Variants in RSRP1 observed in about 807,000 individuals in gnomAD.
The protein encoded by RSRP1 is arginine and serine rich protein 1.
Under a neutral mutation model 33.0 loss-of-function variants are expected in RSRP1, and 37 were observed. The observed-to-expected ratio is 1.12, with a 90% CI of 0.86 to 1.48. The LOEUF (loss-of-function observed/expected upper bound fraction) is 1.48. Ranked by LOEUF, RSRP1 falls within the 40% of genes most tolerant of loss-of-function variation. The probability of loss-of-function intolerance (pLI) is 0.00; values close to 1 mark genes in which losing one functional copy is unlikely to be tolerated. For missense variants in RSRP1, 402 were observed against 385.3 expected, an observed-to-expected ratio of 1.04 and a Z score of -0.36; for synonymous variants, 167 against 158.7, an observed-to-expected ratio of 1.05 and a Z score of -0.40.
intron 1 of RSRP1, chr1:25,307,754 G>A: frequency 1.5e-6 from 2 of 1,306,664 alleles, no homozygotes; most frequent in Non-Finnish European, 2.1e-6. Context: ...GTTCCTACCG[G>A]TTCTTGGATG....
At chr1:25,263,035 T>A (rs1328349842) in intron 1 of RSRP1, among the ~76,000 whole-genome samples, 1 of 152,192 alleles carries the variant, frequency 6.6e-6, no homozygotes, top group Non-Finnish European at 1.5e-5. Context: ...GGGAGGCTGC[T>A]ATGCAAGACA....
At position 25,299,072 on chromosome 1, in the gene RSRP1, T is replaced by TAAAA. The variant is rs34867414; in HGVS notation, c.-67+38902_-67+38905dup. 6.4e-4 allele frequency among the ~76,000 whole-genome samples: 26 copies of TAAAA among 40,838 alleles called. 3 individuals carry two copies. Among genetic ancestry groups the TAAAA allele is most frequent in the African/African-American group, 7.8e-4 (10 of 12,832 alleles). 26.8% of individuals were successfully genotyped at this position (40,838 alleles called of 152,430 possible). On this transcript the variant is annotated intron_variant, in intron 1 of 1. Transcript: ENST00000561867. ...GTTTAGAATTGTCAGCACATGGTGA[T>TAAAA]AAAAAAAAAAAAAAAAAAAAAAAAA...
rs1639482562 is a variant in RSRP1, at chr1:25,246,928, C to T, written c.36G>A (p.Ser12=). 1.3e-6 allele frequency: 2 copies of T among 1,592,036 alleles called. No homozygotes were observed. The highest frequency in any genetic ancestry group is 1.7e-6 in the Non-Finnish European group (2 of 1,166,020). Residue 12 remains serine, a synonymous_variant, in exon 2 of 5, where the codon TCG becomes TCA. Coordinates refer to ENST00000243189, the MANE Select transcript of RSRP1 (RefSeq NM_020317.5). ...SNYVNDMWPG[S]PQEKDSPSTS... ...TCGAGGGCGAATCCTTCTCCTGCGG[C>T]GAGCCCGGCCACATGTCGTTCACGT...
chr1:25,245,374 C>A, intron 2 of RSRP1, 73 bp from the exon 3 acceptor site: 1 of 1,482,692 alleles, frequency 6.7e-7, no homozygotes, highest in Non-Finnish European at 9.1e-7. Flanking sequence ...CTCAGAATTA[C>A]ACAATAAATA....
Position 25,242,516 on chromosome 1 carries a change from G to A in RSRP1, c.*73C>T. 1 of 906,824 alleles carries A rather than the reference G, an allele frequency of 1.1e-6. No homozygotes were observed. The highest frequency in any genetic ancestry group is 1.8e-6 in the Non-Finnish European group (1 of 571,164). 56.2% of individuals were successfully genotyped at this position (906,824 alleles called of 1,614,324 possible). A position where few individuals can be genotyped will look rare whatever the true frequency, so the allele number is the denominator to read the frequency against. On this transcript the variant is annotated 3_prime_UTR_variant, in exon 5 of 5. Transcript: ENST00000243189. ...GTACCCCTGAATGGCTCAAAGGGAT[G>A]GGATAATGCTAGAAACACTAACTTG...
At chr1:25,301,226 T>C (rs368734984) in intron 1 of RSRP1, 17 of 946,470 alleles carry the variant, frequency 1.8e-5, no homozygotes, top group Middle Eastern at 3.1e-4. Context: ...CATGATTCAT[T>C]TCTTTGAGTA....
In RSRP1 at chr1:25,242,426, C is replaced by T; in HGVS notation, c.*163G>A. ...CTATCTCTCATATCTGCAAGAGAAA[C>T]CTAAAATGTTAATATTTGAGTGTTA... On this transcript the variant is annotated 3_prime_UTR_variant, in exon 5 of 5. Coordinates refer to ENST00000243189, the MANE Select transcript of RSRP1 (RefSeq NM_020317.5). 1 of 534,962 alleles carries T rather than the reference C, an allele frequency of 1.9e-6. No individual in the cohort carries two copies. 33.1% of individuals were successfully genotyped at this position (534,962 alleles called of 1,614,324 possible). A position where few individuals can be genotyped will look rare whatever the true frequency, so the allele number is the denominator to read the frequency against.
intron 1 of RSRP1, among the ~76,000 whole-genome samples, chr1:25,302,499 T>G (rs1204150289): frequency 1.5e-5 from 2 of 129,410 alleles, no homozygotes; most frequent in Non-Finnish European, 3.6e-5. Context: ...ACAGAAAGTC[T>G]AAGACACCCA....
intron 2 of RSRP1, 62 bp downstream of exon 2, chr1:25,246,382 T>C (rs1319354372): frequency 3.2e-6 from 5 of 1,570,172 alleles, no homozygotes; most frequent in African/African-American, 1.3e-5. Context: ...GTTGGTTCCC[T>C]AGCCTACTCA....
chr1:25,303,704 T>A lies in RSRP1; in HGVS notation c.-67+34274A>T, dbSNP rs1853885. Reference sequence around the variant, plus strand: ...TGGGGAGAATTTGTTATCAGGCTACTGGGGTGTCACAGAACTCAAGGACAG... The same window carrying A: ...TGGGGAGAATTTGTTATCAGGCTACAGGGGTGTCACAGAACTCAAGGACAG... On this transcript the variant is annotated intron_variant, in intron 1 of 1. Coordinates refer to the RSRP1 transcript ENST00000561867. Among the ~76,000 whole-genome samples the A allele has an allele frequency of 1.4e-4, 18 of 131,854 alleles. 5 individuals carry two copies. The highest frequency in any genetic ancestry group is 2.1e-4 in the African/African-American group (8 of 38,230). The allele number at this position is 131,854 out of a possible 152,430, so 86.5% of individuals were successfully genotyped here.
intron 1 of RSRP1, among the ~76,000 whole-genome samples, chr1:25,264,353 T>C (rs1309576076): frequency 1.3e-5 from 2 of 151,932 alleles, no homozygotes; most frequent in East Asian, 1.9e-4. Context: ...CTCTTTAATC[T>C]AGGCGAAGGT....
In RSRP1 at chr1:25,274,256, C is replaced by T. The variant is rs604183; in HGVS notation, c.-66-27227G>A. On this transcript the variant is annotated intron_variant, in intron 1 of 1. Coordinates refer to the RSRP1 transcript ENST00000561867. ...ATATGGATGTTGAGTAATTTGCCCA[C>T]GGTCGCTCAGCTAGCAATAGCACAG... is the stretch of plus-strand genomic sequence containing the variant. 5.3e-5 allele frequency among the ~76,000 whole-genome samples: 7 copies of T among 131,978 alleles called. 1 individual carries two copies. 86.6% of individuals were successfully genotyped at this position (131,978 alleles called of 152,430 possible).
At chr1:25,300,952 T>A (rs1375964449) in intron 1 of RSRP1, 2 of 1,378,424 alleles carry the variant, frequency 1.5e-6, no homozygotes, top group African/African-American at 1.4e-5. Flanking sequence ...GCAGACAGAC[T>A]ACCACATGAA....
intron 1 of RSRP1, among the ~76,000 whole-genome samples, chr1:25,258,464 T>C (rs1031862010): frequency 6.6e-5 from 10 of 152,106 alleles, no homozygotes; most frequent in African/African-American, 2.4e-4. Flanking sequence ...AGGTGTGAGC[T>C]ACCGTGCCCA....
At chr1:25,277,087 T>C (rs1217719844) in intron 1 of RSRP1, among the ~76,000 whole-genome samples, 1 of 131,430 alleles carries the variant, frequency 7.6e-6, no homozygotes. Context: ...AAAATAAAAA[T>C]AAATGAAACA....
rs187593219 is a variant in RSRP1, at chr1:25,307,775, A to G, written c.-67+30203T>C. On this transcript the variant is annotated intron_variant, in intron 1 of 1. Transcript: ENST00000561867. ...ACCGGTTCTTGGATGCCTTCTACAG[A>G]GACAACCATAGCCCCAAATTATAGG... is the stretch of plus-strand genomic sequence containing the variant. 76 of 1,303,108 alleles carry G rather than the reference A, an allele frequency of 5.8e-5. 8 individuals are homozygous for G. In the Admixed American group the frequency reaches 1.5e-3, roughly 26 times the overall value. The allele number at this position is 1,303,108 out of a possible 1,614,324, so 80.7% of individuals were successfully genotyped here.
At chr1:25,260,193 G>C (rs1423056813) in intron 1 of RSRP1, among the ~76,000 whole-genome samples, 1 of 152,216 alleles carries the variant, frequency 6.6e-6, no homozygotes, top group Admixed American at 6.5e-5. Flanking sequence ...TGCTACTATG[G>C]GGAATCTTGT....
At chr1:25,245,125 G>C (rs1263486225) in intron 3 of RSRP1, 25 bp downstream of exon 3, 1 of 1,614,064 alleles carries the variant, frequency 6.2e-7, no homozygotes, top group Admixed American at 1.7e-5. Context: ...TGAAAGTTTT[G>C]TTCCGACAAA....
intron 1 of RSRP1, among the ~76,000 whole-genome samples, chr1:25,259,848 C>T (rs1199557076): frequency 6.6e-6 from 1 of 152,112 alleles, no homozygotes; most frequent in African/African-American, 2.4e-5. Context: ...GAAGAATTAA[C>T]AGCTTTGTGA....
Sources: allele counts gnomAD v4.1 joint callset (sites outside exome capture counted in the v4.1 genomes callset), GRCh38; gene constraint gnomAD v4.1.1; transcripts MANE v1.5; gene names NCBI Gene and HGNC (gene_info 2026-07-23, HGNC 2026-07-21).